The following SDHA variants were observed in gnomAD, a reference collection of about 807,000 sequenced individuals.
SDHA encodes succinate dehydrogenase [ubiquinone] flavoprotein subunit, mitochondrial.
Under a neutral mutation model 78.4 loss-of-function variants are expected in SDHA, and 48 were observed. The ratio of observed to expected loss-of-function variants is 0.61; its 90% CI spans 0.49 to 0.78. The LOEUF is 0.78. SDHA is among the 30% of genes least tolerant of loss of function. The pLI is 0.00. For missense variants in SDHA, 680 were observed against 892.7 expected, an observed-to-expected ratio of 0.76 and a Z score of 3.04; for synonymous variants, 326 against 353.9, an observed-to-expected ratio of 0.92 and a Z score of 0.88.
intron 2 of SDHA, among the ~76,000 whole-genome samples, chr5:224,001 A>G (rs1734864039): frequency 6.6e-6 from 1 of 152,148 alleles, no homozygotes; most frequent in Non-Finnish European, 1.5e-5. Flanking sequence ...TCTCTGTTGA[A>G]AAACTGAAAC....
At chr5:245,073 A>G (rs190277413) in intron 11 of SDHA, among the ~76,000 whole-genome samples, 1 of 152,340 alleles carries the variant, frequency 6.6e-6, no homozygotes, top group East Asian at 1.9e-4. Context: ...TTTGGATAGA[A>G]CAATGGCCAC....
At chr5:227,839 G>T in intron 5 of SDHA, 1 of 363,572 alleles carries the variant, frequency 2.8e-6, no homozygotes. Flanking sequence ...TCTGGGCTGT[G>T]ACTGCATGGT....
intron 4 of SDHA, 36 bp from the exon 5 acceptor site, chr5:225,847 G>C (rs1416191010): frequency 1.2e-6 from 2 of 1,611,112 alleles, no homozygotes; most frequent in Admixed American, 1.7e-5. Flanking sequence ...ACTCCTTTAA[G>C]GTGTTAAGGT....
chr5:257,574 T>C (rs1737286791), downstream of SDHA, among the ~76,000 whole-genome samples: 1 of 119,184 alleles, frequency 8.4e-6, no homozygotes, highest in African/African-American at 3.6e-5. Flanking sequence ...CTGTGTGAGC[T>C]CCGCCCCTGC....
chr5:232,209 G>GT (rs79363643), intron 7 of SDHA, among the ~76,000 whole-genome samples: 206 of 149,386 alleles, frequency 1.4e-3, no homozygotes, highest in African/African-American at 3.9e-3. Context: ...TTGTTGTAGT[G>GT]TTTTTTTTTT....
At chr5:267,451 T>G in the SDHA span, among the ~76,000 whole-genome samples, 876 of 152,350 alleles carry the variant, frequency 5.7e-3, 10 homozygotes, top group African/African-American at 0.021. Flanking sequence ...ACAGATACAA[T>G]GTACACTTGC....
intron 1 of SDHA, among the ~76,000 whole-genome samples, chr5:222,409 ACAGTCTAGGCTCACTG>A (rs1332691619): frequency 1.4e-5 from 2 of 146,730 alleles, no homozygotes; most frequent in African/African-American, 5.1e-5. Flanking sequence ...GTGCAGTGGC[ACAGTCTAGGCTCACTG>A]CAGCCTCTGC....
intron 5 of SDHA, among the ~76,000 whole-genome samples, chr5:226,710 C>A (rs1676284292): frequency 6.6e-6 from 1 of 151,894 alleles, no homozygotes; most frequent in South Asian, 2.1e-4. Context: ...GGGCAGATCA[C>A]AAGGTCAGGA....
the SDHA span, among the ~76,000 whole-genome samples, chr5:264,014 G>T: frequency 6.6e-6 from 1 of 152,352 alleles, no homozygotes; most frequent in Non-Finnish European, 1.5e-5. Flanking sequence ...AATTCGTACA[G>T]TGGGGAACTC....
At chr5:240,636 C>G (rs1253375216) in intron 11 of SDHA, among the ~76,000 whole-genome samples, 160 bp downstream of exon 11, 1 of 152,144 alleles carries the variant, frequency 6.6e-6, no homozygotes, top group Non-Finnish European at 1.5e-5. Flanking sequence ...ACCCGTCACA[C>G]AAGTCGTGTG....
chr5:240,220 CAGTGTGTT>C, intron 10 of SDHA, 130 bp from the exon 11 acceptor site: 1 of 671,460 alleles, frequency 1.5e-6, no homozygotes, highest in Non-Finnish European at 2.8e-6. Context: ...GGTGGGCTGG[CAGTGTGTT>C]AGCTCAGGAG....
At chr5:242,774 G>T (rs1193922566) in intron 11 of SDHA, among the ~76,000 whole-genome samples, 1 of 152,128 alleles carries the variant, frequency 6.6e-6, no homozygotes, top group African/African-American at 2.4e-5. Context: ...GAGTAAGACG[G>T]GTAGCTCAGA....
chr5:231,054 C>T, intron 7 of SDHA, 54 bp downstream of exon 7: 1 of 1,593,742 alleles, frequency 6.3e-7, no homozygotes, highest in South Asian at 1.1e-5. Flanking sequence ...GTCTTGTAAG[C>T]ATGTGATGCC....
At position 225,658 on chromosome 5, in the gene SDHA, C is replaced by T. The variant is rs115037335; in HGVS notation, c.456+96C>T. ...AAGCAATTGAGGCGGATGTGGCAGC[C>T]AAAAGAATGGTGATGAGCAAAGTTC... On this transcript the variant is annotated intron_variant, in intron 4 of 14. Transcript: ENST00000264932. The T allele has an allele frequency of 0.02, 30,516 of 1,551,996 alleles. 4,251 individuals carry two copies. The African/African-American group carries it at 0.33, about 17-fold the overall frequency.
chr5:237,913 G>A (rs1316769205), intron 10 of SDHA, among the ~76,000 whole-genome samples: 2 of 136,056 alleles, frequency 1.5e-5, no homozygotes, highest in Admixed American at 1.4e-4. Context: ...CATCGGCGAA[G>A]GCGGAGTTCA....
downstream of SDHA, among the ~76,000 whole-genome samples, chr5:260,014 C>G (rs375107338): frequency 1.8e-4 from 6 of 32,872 alleles, no homozygotes; most frequent in Admixed American, 3.2e-4. Context: ...TCCGCCTCCC[C>G]ACAGAGCATT....
chr5:263,977 G>A, the SDHA span, among the ~76,000 whole-genome samples: 1 of 150,868 alleles, frequency 6.6e-6, no homozygotes, highest in Non-Finnish European at 1.5e-5. Flanking sequence ...CAATCAAAAT[G>A]TCCATCAGTA....
Position 236,599 on chromosome 5 carries a change from G to C in SDHA, c.1432G>C (p.Gly478Arg), listed in dbSNP as rs759041443. The C allele has an allele frequency of 4.3e-6, 7 of 1,613,766 alleles. No individual in the cohort carries two copies. In the South Asian group the frequency reaches 7.7e-5, roughly 18 times the overall value. Residue 478 changes from glycine (G) to arginine (R), a missense_variant and splice_region_variant, in exon 10 of 15, where the codon GGA becomes CGA. Coordinates refer to ENST00000264932, the MANE Select transcript of SDHA (RefSeq NM_004168.4). ...GAGCATCGAAGAGTCATGCAGGCCT[G>C]GTAAGTGTTTTCTTCAGGAGCCAGA... is the stretch of plus-strand genomic sequence containing the variant. Reference protein sequence around the residue: ...ALSIEESCRPGDKVPPIKPNA... With the variant: ...ALSIEESCRPRDKVPPIKPNA...
chr5:247,011 A>G lies in SDHA; in HGVS notation c.1552-3981A>G, dbSNP rs414187. ...GAAACTGTTTCAATTTTTGAAATTA[A>G]CTAATTGGATTCTCCCTAAAATAAC... On this transcript the variant is annotated intron_variant, in intron 11 of 14. Coordinates refer to ENST00000264932, the MANE Select transcript of SDHA (RefSeq NM_004168.4). Among the ~76,000 whole-genome samples the G allele has an allele frequency of 1.5e-4, 23 of 152,356 alleles. No homozygotes were observed. In the East Asian group the frequency reaches 3.9e-3, roughly 26 times the overall value.
Sources: gnomAD v4.1 joint callset for allele counts (sites outside exome capture counted in the v4.1 genomes callset) on GRCh38, gnomAD v4.1.1 for gene constraint, MANE v1.5 for transcripts, NCBI Gene and HGNC (gene_info 2026-07-23, HGNC 2026-07-21) for gene names.